PCDHGA8: variants seen among roughly 807,000 people sequenced by gnomAD.
PCDHGA8 encodes protocadherin gamma-A8.
A neutral mutation model predicts 59.2 loss-of-function variants in PCDHGA8; 45 were observed. The observed-to-expected ratio is 0.76, with a 90% CI of 0.60 to 0.98. The LOEUF (loss-of-function observed/expected upper bound fraction) is 0.98, where lower values mean the gene tolerates loss of function less well. PCDHGA8 is among the 50% of genes least tolerant of loss of function. PCDHGA8 has a pLI of 0.00. For synonymous variants in PCDHGA8, 531 were observed against 519.0 expected (o/e 1.02, Z -0.32); for missense variants, 1,257 against 1,196.2 (o/e 1.05, Z -0.75).
intron 1 of PCDHGA8, among the ~76,000 whole-genome samples, chr5:141,469,317 C>T (rs1354878667): frequency 6.6e-6 from 1 of 152,092 alleles, no homozygotes; most frequent in Non-Finnish European, 1.5e-5. Flanking sequence ...TGGCTCACGC[C>T]TGTAATCCCA....
At position 141,489,380 on chromosome 5, in the gene PCDHGA8, A is replaced by G. The variant is rs753226956; in HGVS notation, c.2425-5427A>G. ...TCTGAGCCGGGGACGCTGGTGGGGA[A>G]TGTTGCTCAGGATCTGGGCTTAAAG... is the stretch of plus-strand genomic sequence containing the variant. On this transcript the variant is annotated intron_variant, in intron 1 of 3. Transcript: ENST00000398604. The surrounding 1 kb of genome is among the most constrained non-coding windows in gnomAD (Gnocchi z 4.5). The G allele has an allele frequency of 1.9e-6, 3 of 1,613,874 alleles. No individual in the cohort carries two copies. Among genetic ancestry groups the G allele is most frequent in the Admixed American group, 1.7e-5 (1 of 60,026 alleles).
At position 141,431,942 on chromosome 5, in the gene PCDHGA8, G is replaced by A. The variant is rs1284808063; in HGVS notation, c.2424+36705G>A. 6.2e-7 allele frequency: 1 copy of A among 1,614,116 alleles called. No homozygotes were observed. The highest frequency in any genetic ancestry group is 2.2e-5 in the East Asian group (1 of 44,884). ...CCAAGGAAATCTGCCCTTTAAATTA[G>A]AAAAATCTTACGGAAATTACTATAG... On this transcript the variant is annotated intron_variant, in intron 1 of 3. Transcript: ENST00000398604. The surrounding 1 kb of genome is among the most constrained non-coding windows in gnomAD (Gnocchi z 4.8).
intron 2 of PCDHGA8, among the ~76,000 whole-genome samples, chr5:141,496,767 T>C (rs2099771224): frequency 6.6e-6 from 1 of 152,040 alleles, no homozygotes; most frequent in Non-Finnish European, 1.5e-5. Flanking sequence ...ATCGAGCATC[T>C]ACTATGAGCA....
chr5:141,400,230 G>A, intron 1 of PCDHGA8: 3 of 1,613,992 alleles, frequency 1.9e-6, no homozygotes, highest in Non-Finnish European at 2.5e-6. Flanking sequence ...TCTTCCTCCT[G>A]GCCGTGATTC....
chr5:141,414,793 G>A lies in PCDHGA8; in HGVS notation c.2424+19556G>A, dbSNP rs756653393. On this transcript the variant is annotated intron_variant, in intron 1 of 3. Transcript: ENST00000398604. ...GCTACAGATGCAGGTGACAGCCAGCGACAGCGGGGATCCTCCACTCAGCAG... is the reference window on the plus strand; with the variant it reads ...GCTACAGATGCAGGTGACAGCCAGCAACAGCGGGGATCCTCCACTCAGCAG... 2.5e-6 allele frequency: 4 copies of A among 1,614,100 alleles called. No individual in the cohort carries two copies. The African/African-American group carries it at 4.0e-5, about 16-fold the overall frequency.
At chr5:141,506,226 G>A (rs1248069119) in intron 3 of PCDHGA8, among the ~76,000 whole-genome samples, 3 of 152,152 alleles carry the variant, frequency 2.0e-5, no homozygotes, top group Non-Finnish European at 1.5e-5. Flanking sequence ...TGAGGCAGGA[G>A]GATCATGAGG....
chr5:141,399,720 C>A, intron 1 of PCDHGA8: 1 of 1,613,306 alleles, frequency 6.2e-7, no homozygotes, highest in Non-Finnish European at 8.5e-7. Context: ...TACAGGCCCG[C>A]GACCAGGGCT....
At chr5:141,424,712 G>A (rs2096836283) in intron 1 of PCDHGA8, 1 of 152,126 alleles carries the variant, frequency 6.6e-6, no homozygotes, top group Non-Finnish European at 1.5e-5. Context: ...CATTTTCAGT[G>A]TAGTTGGGAG....
chr5:141,409,868 A>C (rs2095328786), intron 1 of PCDHGA8: 2 of 1,612,688 alleles, frequency 1.2e-6, no homozygotes, highest in Admixed American at 1.7e-5. Flanking sequence ...GGGAGACCGC[A>C]ATGACAACGC....
At chr5:141,502,781 C>G (rs1360359268) in intron 2 of PCDHGA8, among the ~76,000 whole-genome samples, 2 of 151,658 alleles carry the variant, frequency 1.3e-5, no homozygotes, top group Non-Finnish European at 2.9e-5. Flanking sequence ...TGAAAATTAC[C>G]TGGATGATTT....
intron 1 of PCDHGA8, among the ~76,000 whole-genome samples, chr5:141,465,048 AT>A (rs905091014): frequency 4.0e-5 from 6 of 151,346 alleles, no homozygotes; most frequent in African/African-American, 9.7e-5. Context: ...GACCCTATAT[AT>A]TTTTTTGAAT....
At chr5:141,455,292 G>A (rs2098818902) in intron 1 of PCDHGA8, among the ~76,000 whole-genome samples, 1 of 152,068 alleles carries the variant, frequency 6.6e-6, no homozygotes, top group East Asian at 1.9e-4. Context: ...ACTTTACATA[G>A]TTTCATCTTG....
chr5:141,476,346 T>G lies in PCDHGA8; in HGVS notation c.2425-18461T>G, dbSNP rs1239836597. On this transcript the variant is annotated intron_variant, in intron 1 of 3. Coordinates refer to ENST00000398604, the MANE Select transcript of PCDHGA8 (RefSeq NM_032088.2). The surrounding 1 kb of genome is among the most constrained non-coding windows in gnomAD (Gnocchi z 7.6). The stretch of plus-strand genomic sequence containing the variant: ...GTGTCTGGAGCTAGCCGAAGATTCT[T>G]TGAGGTGAACCGGGAGACCGGAGAG... 2.5e-6 allele frequency: 4 copies of G among 1,613,932 alleles called. No individual in the cohort carries two copies. Among genetic ancestry groups the G allele is most frequent in the Non-Finnish European group, 3.4e-6 (4 of 1,180,022 alleles).
At chr5:141,435,334 T>C (rs1223377462) in intron 1 of PCDHGA8, among the ~76,000 whole-genome samples, 1 of 152,196 alleles carries the variant, frequency 6.6e-6, no homozygotes, top group East Asian at 1.9e-4. Context: ...ATATAGTGAA[T>C]TTATTTCTTC....
In PCDHGA8 at chr5:141,489,597, A is replaced by G; in HGVS notation, c.2425-5210A>G. 6.2e-7 allele frequency: 1 copy of G among 1,614,100 alleles called. No individual in the cohort carries two copies. The highest frequency in any genetic ancestry group is 1.3e-5 in the African/African-American group (1 of 75,040). ...AACACCCCCTGGAGCTAATCCGTGTAGAGGTAGAGATCCTGGATCTCAATG... is the reference window on the plus strand; with the variant it reads ...AACACCCCCTGGAGCTAATCCGTGTGGAGGTAGAGATCCTGGATCTCAATG... On this transcript the variant is annotated intron_variant, in intron 1 of 3. Transcript: ENST00000398604. The surrounding 1 kb of genome is among the most constrained non-coding windows in gnomAD (Gnocchi z 4.5).
chr5:141,465,611 C>T (rs1393170181), intron 1 of PCDHGA8, among the ~76,000 whole-genome samples: 1 of 152,178 alleles, frequency 6.6e-6, no homozygotes, highest in African/African-American at 2.4e-5. Context: ...CTCTTTGGCC[C>T]TCCAGGAAGT....
At position 141,393,101 on chromosome 5, in the gene PCDHGA8, C is replaced by T. The variant is rs891971324; in HGVS notation, c.288C>T (p.Cys96=). The stretch of plus-strand genomic sequence containing the variant: ...GCAGGATAGATCGGGAGGAGCTCTG[C>T]GCTCAGAGCCCGCGGTGTCTGATAA... ...TAGRIDREEL[C]AQSPRCLINI... The change falls in exon 1 of 4, where the codon TGC becomes TGT. Residue 96 remains cysteine, a synonymous_variant. Coordinates refer to ENST00000398604, the MANE Select transcript of PCDHGA8 (RefSeq NM_032088.2). The T allele has an allele frequency of 1.2e-6, 2 of 1,613,564 alleles. No homozygotes were observed. Among genetic ancestry groups the T allele is most frequent in the Non-Finnish European group, 1.7e-6 (2 of 1,179,910 alleles).
rs775290219 is a variant in PCDHGA8 at position 141,423,576 on chromosome 5, G to A, written c.2424+28339G>A. On this transcript the variant is annotated intron_variant, in intron 1 of 3. Transcript: ENST00000398604. ...ACTATGGGGACACGCTCATCAGCCAGGAGAGCTGTGAGAAAAGCGAGCCAC... is the reference window on the plus strand; with the variant it reads ...ACTATGGGGACACGCTCATCAGCCAAGAGAGCTGTGAGAAAAGCGAGCCAC... The A allele has an allele frequency of 1.9e-6, 3 of 1,613,588 alleles. No homozygotes were observed. In the Admixed American group the frequency reaches 5.0e-5, roughly 27 times the overall value.
rs773899530 is a variant in PCDHGA8 at position 141,494,864 on chromosome 5, G to C, written c.2482G>C (p.Gly828Arg). ...FSQAQRPGTS[G>R]SQNGDDTGTW... ...TCAGGCCCAGAGACCCGGCACCAGCGGGTAGGTGACTGATTCTCCAGCCCA... is the reference window on the plus strand; with the variant it reads ...TCAGGCCCAGAGACCCGGCACCAGCCGGTAGGTGACTGATTCTCCAGCCCA... The change falls in exon 2 of 4, where the codon GGC becomes CGC. Residue 828 changes from glycine (G) to arginine (R), a missense_variant and splice_region_variant. Transcript: ENST00000398604. The C allele has an allele frequency of 1.2e-6, 2 of 1,614,068 alleles. No individual in the cohort carries two copies. Among genetic ancestry groups the C allele is most frequent in the Middle Eastern group, 1.6e-4 (1 of 6,062 alleles).
Sources: allele counts gnomAD v4.1 joint callset (sites outside exome capture counted in the v4.1 genomes callset), GRCh38; gene constraint gnomAD v4.1.1; non-coding constraint Gnocchi (gnomAD v3.1); transcripts MANE v1.5; gene names NCBI Gene and HGNC (gene_info 2026-07-23, HGNC 2026-07-21).